NPAS3: variants seen among roughly 807,000 people sequenced by gnomAD.
NPAS3 encodes neuronal PAS domain-containing protein 3.
In NPAS3, 14 loss-of-function variants were observed where a neutral mutation model predicts 73.1. That is an observed-to-expected ratio of 0.19 (90% confidence interval 0.13 to 0.30). NPAS3 has a LOEUF of 0.30. Ranked by LOEUF, NPAS3 falls within the 10% of genes least tolerant of loss-of-function variation. The pLI, the probability that NPAS3 is intolerant of heterozygous loss-of-function variation, is 1.00. For missense variants in NPAS3, 1,096 were observed against 1,250.0 expected, an observed-to-expected ratio of 0.88 and a Z score of 1.86; for synonymous variants, 620 against 541.5, an observed-to-expected ratio of 1.14 and a Z score of -2.01.
chr14:33,075,053 G>T (rs1054432555), intron 2 of NPAS3, among the ~76,000 whole-genome samples: 1 of 152,124 alleles, frequency 6.6e-6, no homozygotes, highest in Non-Finnish European at 1.5e-5. Context: ...ATAGAAAGTA[G>T]ATTTTTATCT....
chr14:32,977,356 G>GCA (rs3057259), intron 1 of NPAS3, among the ~76,000 whole-genome samples: 6,234 of 141,514 alleles, frequency 0.044, 248 homozygotes, highest in East Asian at 0.2. Context: ...TCTCTGACAC[G>GCA]CACACACACA....
At chr14:33,049,051 C>G (rs540759960) in intron 1 of NPAS3, among the ~76,000 whole-genome samples, 1 of 152,322 alleles carries the variant, frequency 6.6e-6, no homozygotes, top group Admixed American at 6.5e-5. Flanking sequence ...CTTTCTATAT[C>G]TACTGAAGTT....
At chr14:33,729,671 A>G (rs1566475547) in intron 6 of NPAS3, among the ~76,000 whole-genome samples, 1 of 152,130 alleles carries the variant, frequency 6.6e-6, no homozygotes, top group Non-Finnish European at 1.5e-5. Flanking sequence ...TGTCGTCCCA[A>G]CGTGGCAACT....
At chr14:33,149,103 A>G (rs1459288512) in intron 2 of NPAS3, among the ~76,000 whole-genome samples, 1 of 152,218 alleles carries the variant, frequency 6.6e-6, no homozygotes, top group Non-Finnish European at 1.5e-5. Context: ...AAATATACCA[A>G]TGATTGATGG....
intron 5 of NPAS3, among the ~76,000 whole-genome samples, chr14:33,621,597 G>A (rs1031329267): frequency 6.6e-6 from 1 of 152,070 alleles, no homozygotes; most frequent in Non-Finnish European, 1.5e-5. Flanking sequence ...TCCAAAATTG[G>A]CTAATATGGA....
intron 2 of NPAS3, among the ~76,000 whole-genome samples, chr14:33,069,136 T>A (rs984566396): frequency 1.3e-5 from 2 of 152,142 alleles, no homozygotes. Flanking sequence ...CAAGGTGTGA[T>A]TTGTACCAAG....
intron 4 of NPAS3, among the ~76,000 whole-genome samples, chr14:33,375,187 A>G (rs961058780): frequency 5.9e-5 from 9 of 152,182 alleles, no homozygotes; most frequent in Admixed American, 5.2e-4. Context: ...GGAAGGGGAG[A>G]AAGTTGAGTG....
chr14:33,078,066 G>T (rs1287398665), intron 2 of NPAS3, among the ~76,000 whole-genome samples: 2 of 151,916 alleles, frequency 1.3e-5, no homozygotes. Flanking sequence ...CTGAACCCGG[G>T]AAGTGGAGGC....
chr14:33,381,141 A>G (rs2046533223), intron 4 of NPAS3, among the ~76,000 whole-genome samples: 1 of 152,204 alleles, frequency 6.6e-6, no homozygotes, highest in South Asian at 2.1e-4. Flanking sequence ...TTAGAATTGT[A>G]GTCACATAGG....
At chr14:32,946,333 A>AACAC (rs750380212) in intron 1 of NPAS3, among the ~76,000 whole-genome samples, 32 of 105,402 alleles carry the variant, frequency 3.0e-4, no homozygotes, top group Admixed American at 1.3e-3. Context: ...CCATCCCCCC[A>AACAC]ACACACACAC....
At chr14:33,189,843 A>T (rs1368778386) in intron 2 of NPAS3, among the ~76,000 whole-genome samples, 1 of 152,218 alleles carries the variant, frequency 6.6e-6, no homozygotes, top group Non-Finnish European at 1.5e-5. Flanking sequence ...AGATAAGCAA[A>T]AAAGGAATAC....
intron 7 of NPAS3, among the ~76,000 whole-genome samples, chr14:33,760,089 C>T (rs1004848547): frequency 5.3e-5 from 8 of 152,132 alleles, no homozygotes; most frequent in Non-Finnish European, 5.9e-5. Context: ...CTGCCCTTCC[C>T]ATCTCAGTAA....
At chr14:33,305,880 A>G (rs913219438) in intron 3 of NPAS3, among the ~76,000 whole-genome samples, 1 of 152,166 alleles carries the variant, frequency 6.6e-6, no homozygotes, top group African/African-American at 2.4e-5. Context: ...CACTTCTTCT[A>G]TGCCTGGTAT....
At chr14:33,413,811 A>G (rs965036735) in intron 4 of NPAS3, among the ~76,000 whole-genome samples, 2 of 152,170 alleles carry the variant, frequency 1.3e-5, no homozygotes, top group African/African-American at 2.4e-5. Flanking sequence ...ACCCTCAGCT[A>G]CTTGATTGAC....
intron 2 of NPAS3, among the ~76,000 whole-genome samples, chr14:33,209,875 A>C (rs1195810497): frequency 6.6e-6 from 1 of 152,206 alleles, no homozygotes; most frequent in African/African-American, 2.4e-5. Context: ...ATGTGTTCAA[A>C]CTACAGCTTG....
At chr14:32,973,012 A>G (rs2037502340) in intron 1 of NPAS3, among the ~76,000 whole-genome samples, 2 of 152,200 alleles carry the variant, frequency 1.3e-5, no homozygotes, top group Admixed American at 6.5e-5. Context: ...GTTTGGTCAC[A>G]TTGCCTTCTT....
chr14:33,449,759 T>C (rs1172809729), intron 4 of NPAS3, among the ~76,000 whole-genome samples: 1 of 152,026 alleles, frequency 6.6e-6, no homozygotes, highest in Non-Finnish European at 1.5e-5. Flanking sequence ...CCTCTTTTAT[T>C]CCCCCCCAGG....
At chr14:33,006,593 A>G (rs1331438514) in intron 1 of NPAS3, among the ~76,000 whole-genome samples, 1 of 152,212 alleles carries the variant, frequency 6.6e-6, no homozygotes, top group Non-Finnish European at 1.5e-5. Context: ...AAAGTCTGCC[A>G]ACTGTCAATC....
chr14:33,288,008 C>T (rs2041948432), intron 3 of NPAS3, among the ~76,000 whole-genome samples: 1 of 152,056 alleles, frequency 6.6e-6, no homozygotes, highest in South Asian at 2.1e-4. Context: ...CTCTTAGTTG[C>T]ACTATCTAGT....
Sources: allele counts gnomAD v4.1 joint callset (sites outside exome capture counted in the v4.1 genomes callset), GRCh38; gene constraint gnomAD v4.1.1; transcripts MANE v1.5; gene names NCBI Gene and HGNC (gene_info 2026-07-23, HGNC 2026-07-21).